Variants in ZNF331 observed in about 807,000 individuals in gnomAD.
The protein encoded by ZNF331 is zinc finger protein 331.
ZNF331 carries 2 observed loss-of-function variants against 7.0 expected under a neutral mutation model. That is an observed-to-expected ratio of 0.29 (90% confidence interval 0.12 to 0.90). The LOEUF is 0.90. Ranked by LOEUF, ZNF331 falls within the 40% of genes least tolerant of loss-of-function variation. The probability of loss-of-function intolerance (pLI) is 0.58; values close to 1 mark genes in which losing one functional copy is unlikely to be tolerated. For synonymous variants in ZNF331, 196 were observed against 205.4 expected (o/e 0.95, Z 0.39); for missense variants, 432 against 587.7 (o/e 0.74, Z 2.74).
chr19:53,503,640 T>C, the ZNF331 span: 1 of 700,174 alleles, frequency 1.4e-6, no homozygotes, highest in African/African-American at 1.8e-5. Context: ...TGTAAATTTC[T>C]TTTTTGTGTC....
Position 53,571,554 on chromosome 19 carries a change from G to C in ZNF331, c.10-50G>C. On this transcript the variant is annotated intron_variant, in intron 4 of 5. Coordinates refer to ENST00000449416, the MANE Select transcript of ZNF331 (RefSeq NM_001079906.2). The surrounding 1 kb of genome is among the most constrained non-coding windows in gnomAD (Gnocchi z 4.7). ...GGGTGGCCTCCTGTCTCCTTCATCT[G>C]GAAGCTGTTTCCTTTCATTTCATCA... 6.2e-7 allele frequency: 1 copy of C among 1,602,294 alleles called. No individual in the cohort carries two copies. The highest frequency in any genetic ancestry group is 8.5e-7 in the Non-Finnish European group (1 of 1,174,182).
At chr19:53,538,874 G>A (rs548284342) in intron 1 of ZNF331, 1 of 152,584 alleles carries the variant, frequency 6.6e-6, no homozygotes, top group African/African-American at 2.4e-5. Flanking sequence ...ACCTGCCTGA[G>A]AACAAGGGCC....
intron 4 of ZNF331, among the ~76,000 whole-genome samples, chr19:53,569,985 G>A (rs1489404098): frequency 6.6e-6 from 1 of 152,138 alleles, no homozygotes; most frequent in African/African-American, 2.4e-5. Flanking sequence ...GCCGGGTGTG[G>A]TGGCTCACAC....
At chr19:53,511,214 C>G in the ZNF331 span, among the ~76,000 whole-genome samples, 1 of 151,958 alleles carries the variant, frequency 6.6e-6, no homozygotes, top group South Asian at 2.1e-4. Context: ...GTATAAAATA[C>G]TTAGAAAATA....
intron 3 of ZNF331, among the ~76,000 whole-genome samples, chr19:53,559,839 T>TATAC (rs2089738999): frequency 6.7e-6 from 1 of 150,028 alleles, no homozygotes; most frequent in African/African-American, 2.5e-5. Context: ...TATACATATA[T>TATAC]ACATATACAC....
At chr19:53,506,450 C>CTG in the ZNF331 span, among the ~76,000 whole-genome samples, 1,805 of 47,300 alleles carry the variant, frequency 0.038, 61 homozygotes, top group African/African-American at 0.11. Context: ...CTCTGTCTCT[C>CTG]TCTCTCTCTC....
At chr19:53,550,646 C>T (rs112673886) in intron 2 of ZNF331, among the ~76,000 whole-genome samples, 3 of 142,068 alleles carry the variant, frequency 2.1e-5, no homozygotes, top group African/African-American at 2.6e-5. Flanking sequence ...AAGCGATTCT[C>T]CTGCCTCAGC....
chr19:53,504,162 A>T, the ZNF331 span: 84 of 346,854 alleles, frequency 2.4e-4, no homozygotes, highest in East Asian at 5.7e-3. Context: ...TCTTTTGAAT[A>T]ATCCCAGTCA....
upstream of ZNF331, among the ~76,000 whole-genome samples, chr19:53,519,386 C>T (rs2086984676): frequency 6.6e-6 from 1 of 152,328 alleles, no homozygotes; most frequent in South Asian, 2.1e-4. Context: ...CACAGGGGTT[C>T]AGGCAGTGAG....
intron 2 of ZNF331, among the ~76,000 whole-genome samples, chr19:53,525,429 T>C (rs1278944707): frequency 1.3e-5 from 2 of 152,174 alleles, no homozygotes; most frequent in African/African-American, 2.4e-5. Flanking sequence ...TCTTTTATTT[T>C]GTTGAGCAGT....
At chr19:53,503,782 G>T in the ZNF331 span, 1 of 699,986 alleles carries the variant, frequency 1.4e-6, no homozygotes, top group Admixed American at 2.0e-5. Flanking sequence ...TGGCTCCTGT[G>T]TGTTCCTCAG....
At chr19:53,547,799 C>T (rs2088716205) in intron 2 of ZNF331, among the ~76,000 whole-genome samples, 1 of 152,174 alleles carries the variant, frequency 6.6e-6, no homozygotes, top group African/African-American at 2.4e-5. Context: ...CAATTTTTCA[C>T]AGACCTATAG....
chr19:53,537,594 C>G (rs561367262), upstream of ZNF331: 1 of 152,378 alleles, frequency 6.6e-6, no homozygotes, highest in Admixed American at 6.5e-5. Flanking sequence ...CCCTGAGGCC[C>G]CTGCCTGGGA....
Position 53,558,564 on chromosome 19 carries a change from G to A in ZNF331, c.-74+2656G>A, listed in dbSNP as rs552021535. ...GATTGAGTGGGGAAACTCAAGGCCC[G>A]TCTGTTCAGATTCTTCTTGGCCTCT... On this transcript the variant is annotated intron_variant, in intron 3 of 5. Transcript: ENST00000449416. This position sits in a 1 kb window ranked among gnomAD's most constrained non-coding sequence, Gnocchi z 4.5. Among the ~76,000 whole-genome samples, 50 of 152,154 alleles carry A rather than the reference G, an allele frequency of 3.3e-4. No homozygotes were observed. The highest frequency in any genetic ancestry group is 1.1e-3 in the African/African-American group (46 of 41,468).
At position 53,577,668 on chromosome 19, in the gene ZNF331, C is replaced by T. The variant is rs368990802; in HGVS notation, c.1108C>T (p.Leu370Phe). 2 of 1,613,984 alleles carry T rather than the reference C, an allele frequency of 1.2e-6. No individual in the cohort carries two copies. The highest frequency in any genetic ancestry group is 1.7e-6 in the Non-Finnish European group (2 of 1,180,044). Residue 370 changes from leucine to phenylalanine, a missense_variant, in exon 6 of 6, where the codon CTC (leucine) becomes TTC (phenylalanine). By Grantham distance (22) the Leu-to-Phe change is conservative. Transcript: ENST00000449416. ...CGKAFNCGYH[L>F]TQHERIHTGE... is the part of the protein sequence containing the mutation. ...GAAGGCCTTCAATTGTGGCTATCAC[C>T]TCACTCAGCACGAGAGAATCCACAC...
At chr19:53,552,894 A>G (rs1695598357) in intron 2 of ZNF331, among the ~76,000 whole-genome samples, 1 of 152,172 alleles carries the variant, frequency 6.6e-6, no homozygotes, top group Non-Finnish European at 1.5e-5. Context: ...GTCATACCTT[A>G]TAGTATTATT....
intron 2 of ZNF331, among the ~76,000 whole-genome samples, chr19:53,544,269 G>T (rs964031693): frequency 4.0e-5 from 6 of 148,154 alleles, no homozygotes; most frequent in African/African-American, 1.5e-4. Context: ...TATTAGGCCG[G>T]GTGTGGTGGC....
rs146761642 is a variant in ZNF331 at position 53,576,392 on chromosome 19, A to G, written c.137-305A>G. Among the ~76,000 whole-genome samples, 15 of 152,312 alleles carry G rather than the reference A, an allele frequency of 9.8e-5. No homozygotes were observed. In the East Asian group the frequency reaches 2.7e-3, roughly 27 times the overall value. On this transcript the variant is annotated intron_variant, in intron 5 of 5. Transcript: ENST00000449416. ...CATATTGTTTTGTTACAGTACTTCTATATTTGGTTTTCCAAGTATATCATC... is the reference window on the plus strand; with the variant it reads ...CATATTGTTTTGTTACAGTACTTCTGTATTTGGTTTTCCAAGTATATCATC...
chr19:53,512,262 A>G, the ZNF331 span: 1 of 153,578 alleles, frequency 6.5e-6, no homozygotes, highest in Non-Finnish European at 1.5e-5. Context: ...GAAGACAGAG[A>G]TGCCTGCGTG....
Sources: gnomAD v4.1 joint callset for allele counts (sites outside exome capture counted in the v4.1 genomes callset) on GRCh38, gnomAD v4.1.1 for gene constraint, Gnocchi (gnomAD v3.1) non-coding constraint, MANE v1.5 for transcripts, NCBI Gene and HGNC (gene_info 2026-07-23, HGNC 2026-07-21) for gene names.